Variants in DIAPH2 observed in about 807,000 individuals in gnomAD.
DIAPH2 encodes protein diaphanous homolog 2.
Under a neutral mutation model 92.7 loss-of-function variants are expected in DIAPH2, and 35 were observed. The observed-to-expected ratio is 0.38, with a 90% confidence interval of 0.29 to 0.50. DIAPH2 has a LOEUF of 0.50. Among genes scored for constraint, DIAPH2 ranks in the 20% least tolerant of loss-of-function variants. The pLI is 0.94. For missense variants in DIAPH2, 701 were observed against 819.5 expected (o/e 0.86, Z 1.77); for synonymous variants, 301 against 280.4 (o/e 1.07, Z -0.73).
intron 4 of DIAPH2, among the ~76,000 whole-genome samples, chrX:96,803,646 C>T (rs552444233): frequency 3.6e-5 from 4 of 112,472 alleles, no homozygotes; most frequent in East Asian, 2.8e-4. Flanking sequence ...AAATTATCTA[C>T]GATCTTTTTC....
intron 22 of DIAPH2, among the ~76,000 whole-genome samples, chrX:97,161,060 T>TG: frequency 9.5e-6 from 1 of 105,306 alleles, no homozygotes; most frequent in East Asian, 3.0e-4. Context: ...TGTTTTTTTT[T>TG]TTTTTTTCCT....
At chrX:97,231,901 G>A (rs1188152698) in intron 22 of DIAPH2, among the ~76,000 whole-genome samples, 1 of 106,694 alleles carries the variant, frequency 9.4e-6, no homozygotes, top group African/African-American at 3.3e-5. Flanking sequence ...AAATACAAAA[G>A]CAATTCACAA....
At chrX:96,758,386 A>AT (rs974226709) in intron 4 of DIAPH2, 128 bp downstream of exon 4, 38 of 409,786 alleles carry the variant, frequency 9.3e-5, no homozygotes, top group Admixed American at 1.5e-4. Context: ...TCAGAAGACA[A>AT]TTTATATATG....
chrX:97,277,772 A>G (rs1233699288), intron 23 of DIAPH2, among the ~76,000 whole-genome samples: 1 of 112,102 alleles, frequency 8.9e-6, no homozygotes, highest in Non-Finnish European at 1.9e-5. Context: ...CCACGCTATT[A>G]CTTAGCCCAA....
At chrX:96,771,813 G>A (rs1224533188) in intron 4 of DIAPH2, among the ~76,000 whole-genome samples, 1 of 111,102 alleles carries the variant, frequency 9.0e-6, no homozygotes, top group African/African-American at 3.3e-5. Flanking sequence ...GAGATGGGAG[G>A]ATCACTTGAG....
At chrX:97,138,995 G>A (rs2067191608) in intron 21 of DIAPH2, among the ~76,000 whole-genome samples, 2 of 111,356 alleles carry the variant, frequency 1.8e-5, no homozygotes, top group Non-Finnish European at 3.8e-5. Context: ...CTATCAAATG[G>A]AAATCAATTC....
At chrX:97,474,627 G>A (rs2070589701) in intron 26 of DIAPH2, among the ~76,000 whole-genome samples, 1 of 110,425 alleles carries the variant, frequency 9.1e-6, no homozygotes, top group South Asian at 3.9e-4. Context: ...TTAGCCGGGT[G>A]TGGTGGCGGG....
At chrX:96,961,627 T>G (rs745961333) in intron 16 of DIAPH2, among the ~76,000 whole-genome samples, 48 of 110,489 alleles carry the variant, frequency 4.3e-4, no homozygotes, top group African/African-American at 1.4e-3. Context: ...TTAAACTGTT[T>G]ATTTGACATC....
At chrX:96,884,419 C>G in intron 5 of DIAPH2, 5 of 1,210,720 alleles carry the variant, frequency 4.1e-6, no homozygotes, top group Non-Finnish European at 5.6e-6. Flanking sequence ...TATTAAGACC[C>G]AAAGACCTAA....
chrX:97,038,231 A>G lies in DIAPH2; in HGVS notation c.2051-34710A>G, dbSNP rs759975029. Among the ~76,000 whole-genome samples, 5 of 111,868 alleles carry G rather than the reference A, an allele frequency of 4.5e-5. No individual in the cohort carries two copies. The East Asian group carries it at 1.4e-3, about 32-fold the overall frequency. ...TGAGTCGTATTCCATATACACACAC[A>G]CACACACCACATTTTCTTTATCTGC... On this transcript the variant is annotated intron_variant, in intron 17 of 26. Coordinates refer to ENST00000324765, the MANE Select transcript of DIAPH2 (RefSeq NM_006729.5).
At chrX:97,475,021 T>C (rs2070593041) in intron 26 of DIAPH2, among the ~76,000 whole-genome samples, 1 of 110,689 alleles carries the variant, frequency 9.0e-6, no homozygotes, top group Non-Finnish European at 1.9e-5. Flanking sequence ...GTTCTTCTAA[T>C]TAAATATGAG....
chrX:96,775,432 T>C (rs1322272932), intron 4 of DIAPH2, among the ~76,000 whole-genome samples: 1 of 106,849 alleles, frequency 9.4e-6, no homozygotes, highest in Non-Finnish European at 1.9e-5. Context: ...CTATTGATGG[T>C]GATTGTTATT....
chrX:97,144,036 G>A (rs1394520595), intron 22 of DIAPH2, among the ~76,000 whole-genome samples: 3 of 111,494 alleles, frequency 2.7e-5, no homozygotes, highest in East Asian at 5.6e-4. Context: ...TAATGTGTAC[G>A]AACATACAGT....
intron 23 of DIAPH2, among the ~76,000 whole-genome samples, chrX:97,274,951 G>A (rs764790634): frequency 2.7e-5 from 3 of 111,357 alleles, no homozygotes; most frequent in African/African-American, 9.8e-5. Flanking sequence ...GAGAGCACCG[G>A]GTTGGGGGTA....
chrX:97,531,405 G>A (rs928690398), intron 26 of DIAPH2, among the ~76,000 whole-genome samples: 11 of 111,631 alleles, frequency 9.9e-5, no homozygotes, highest in African/African-American at 2.9e-4. Context: ...GAGAGACCTC[G>A]TTAGACTCAA....
At chrX:96,755,522 G>A (rs941674928) in intron 3 of DIAPH2, among the ~76,000 whole-genome samples, 18 of 110,282 alleles carry the variant, frequency 1.6e-4, no homozygotes, top group Non-Finnish European at 2.5e-4. Flanking sequence ...GCATGGTGGC[G>A]GGCGCCTGTA....
rs1469397858 is a variant in DIAPH2, at chrX:97,221,290, A to G, written c.2720-26425A>G. On this transcript the variant is annotated intron_variant, in intron 22 of 26. Coordinates refer to ENST00000324765, the MANE Select transcript of DIAPH2 (RefSeq NM_006729.5). Reference sequence around the variant, plus strand: ...GAGTTGATTTGAAAAGTTTTTGGCCATATGGCATGGTTGAAGCAAAAACGT... The same window carrying G: ...GAGTTGATTTGAAAAGTTTTTGGCCGTATGGCATGGTTGAAGCAAAAACGT... Among the ~76,000 whole-genome samples the G allele has an allele frequency of 1.8e-5, 2 of 111,941 alleles. 1 individual carries two copies. Among genetic ancestry groups the G allele is most frequent in the African/African-American group, 6.5e-5 (2 of 30,797 alleles).
chrX:97,438,338 G>T (rs866720774), intron 26 of DIAPH2, among the ~76,000 whole-genome samples: 26 of 53,629 alleles, frequency 4.8e-4, no homozygotes, highest in South Asian at 1.3e-3. Flanking sequence ...GCAGCTTCTT[G>T]TTTTTTTTTT....
intron 26 of DIAPH2, among the ~76,000 whole-genome samples, chrX:97,597,042 G>A (rs1435281774): frequency 8.9e-6 from 1 of 112,073 alleles, no homozygotes; most frequent in Non-Finnish European, 1.9e-5. Context: ...TGCTGCTATT[G>A]TTTCTAATGA....
Sources: gnomAD v4.1 joint callset for allele counts (sites outside exome capture counted in the v4.1 genomes callset) on GRCh38, gnomAD v4.1.1 for gene constraint, MANE v1.5 for transcripts, NCBI Gene and HGNC (gene_info 2026-07-23, HGNC 2026-07-21) for gene names.